CUL2: variants seen among roughly 807,000 people sequenced by gnomAD.
CUL2 encodes the protein cullin-2.
CUL2 carries 22 observed loss-of-function variants against 110.2 expected under a neutral mutation model. That is an observed-to-expected ratio of 0.20 (90% CI 0.14 to 0.28). The LOEUF is 0.28. Among genes scored for constraint, CUL2 ranks in the 10% least tolerant of loss-of-function variants. The probability of loss-of-function intolerance (pLI) is 1.00; values close to 1 mark genes in which losing one functional copy is unlikely to be tolerated. For missense variants in CUL2, 631 were observed against 905.5 expected (o/e 0.70, Z 3.89); for synonymous variants, 279 against 293.2 (o/e 0.95, Z 0.49).
At chr10:35,022,331 C>T (rs1383589454) in intron 17 of CUL2, among the ~76,000 whole-genome samples, 4 of 152,172 alleles carry the variant, frequency 2.6e-5, no homozygotes, top group Admixed American at 6.5e-5. Flanking sequence ...CCCCAAACAC[C>T]ACCTTGTGCA....
chr10:35,027,518 C>G (rs2085367113), intron 16 of CUL2, among the ~76,000 whole-genome samples: 1 of 152,064 alleles, frequency 6.6e-6, no homozygotes, highest in Non-Finnish European at 1.5e-5. Context: ...GATTGACTGG[C>G]CTAAAGTATA....
At chr10:35,097,092 G>C (rs1338477086) in intron 2 of CUL2, among the ~76,000 whole-genome samples, 5 of 152,060 alleles carry the variant, frequency 3.3e-5, no homozygotes, top group African/African-American at 1.2e-4. Flanking sequence ...TTACAGGCGT[G>C]AGCCACCGTG....
chr10:35,013,753 G>T lies in CUL2; in HGVS notation c.1935C>A (p.Ser645Arg). The change falls in exon 19 of 21, where the codon AGC becomes AGA. Residue 645 changes from serine (S) to arginine (R), a missense_variant. Coordinates refer to ENST00000374749, the MANE Select transcript of CUL2 (RefSeq NM_003591.4). ...ESSFSLNMNF[S>R]SKRTKFKITT... is the part of the protein sequence containing the mutation. ...TAATTTTAAATTTTGTTCTTTTACT[G>T]CTAAAGTTCATATTTAATGAAAACG... 6.4e-7 allele frequency: 1 copy of T among 1,558,394 alleles called. No homozygotes were observed. The highest frequency in any genetic ancestry group is 8.7e-7 in the Non-Finnish European group (1 of 1,144,410).
intron 2 of CUL2, 83 bp from the exon 3 acceptor site, chr10:35,063,145 T>C (rs1053220343): frequency 5.8e-5 from 46 of 787,634 alleles, no homozygotes; most frequent in Middle Eastern, 3.4e-4. Context: ...CATTAAAAAA[T>C]GAAAAAACAT....
intron 17 of CUL2, among the ~76,000 whole-genome samples, chr10:35,017,935 G>A (rs564196547): frequency 2.7e-5 from 4 of 150,918 alleles, no homozygotes; most frequent in Non-Finnish European, 3.0e-5. Flanking sequence ...CCTAAAGCAC[G>A]AAGTTGTGGT....
intron 4 of CUL2, 45 bp downstream of exon 4, chr10:35,060,829 C>T: frequency 6.8e-7 from 1 of 1,469,828 alleles, no homozygotes; most frequent in Non-Finnish European, 9.4e-7. Flanking sequence ...CTACTGAATG[C>T]AGGCAACGCT....
At chr10:35,040,824 G>T (rs1011513174) in intron 8 of CUL2, among the ~76,000 whole-genome samples, 1 of 152,158 alleles carries the variant, frequency 6.6e-6, no homozygotes, top group Admixed American at 6.5e-5. Context: ...GCACATCCTA[G>T]ACCCCTTGCA....
chr10:35,085,691 T>C (rs2087045928), intron 1 of CUL2, among the ~76,000 whole-genome samples: 2 of 139,048 alleles, frequency 1.4e-5, no homozygotes, highest in Admixed American at 7.3e-5. Context: ...AGCCAGACTC[T>C]GTCTCAAAAA....
chr10:35,047,269 T>A (rs1024376148), intron 6 of CUL2, among the ~76,000 whole-genome samples: 1 of 152,190 alleles, frequency 6.6e-6, no homozygotes, highest in Non-Finnish European at 1.5e-5. Context: ...TGATAGTTCC[T>A]CAATTCTGTG....
At chr10:35,038,848 C>G (rs1235310382) in intron 9 of CUL2, 72 bp downstream of exon 9, 1 of 969,790 alleles carries the variant, frequency 1.0e-6, no homozygotes, top group Non-Finnish European at 1.5e-6. Flanking sequence ...GGCATTAAAT[C>G]AAGGGTGACT....
intron 11 of CUL2, 104 bp downstream of exon 11, chr10:35,033,062 C>T: frequency 1.6e-5 from 8 of 505,138 alleles, no homozygotes; most frequent in East Asian, 6.8e-5. Flanking sequence ...ACTTAATCTC[C>T]ATGTCTACAT....
chr10:35,069,375 C>CA (rs979172994), intron 2 of CUL2, among the ~76,000 whole-genome samples: 2 of 151,714 alleles, frequency 1.3e-5, no homozygotes, highest in Non-Finnish European at 2.9e-5. Flanking sequence ...CTCACCTCTA[C>CA]AAAAAAATTT....
chr10:35,088,711 A>G (rs2087125406), intron 1 of CUL2, among the ~76,000 whole-genome samples: 4 of 152,180 alleles, frequency 2.6e-5, no homozygotes, highest in South Asian at 2.1e-4. Flanking sequence ...TCACATTTAT[A>G]GAACACTGAA....
At chr10:35,084,876 T>C (rs1203667493) in intron 1 of CUL2, among the ~76,000 whole-genome samples, 2 of 151,672 alleles carry the variant, frequency 1.3e-5, no homozygotes, top group Admixed American at 1.3e-4. Flanking sequence ...TCCCAGCACT[T>C]TGGTAAGCCG....
chr10:35,071,113 G>C, intron 2 of CUL2, 86 bp downstream of exon 2: 1 of 1,322,614 alleles, frequency 7.6e-7, no homozygotes, highest in South Asian at 1.3e-5. Flanking sequence ...ACATGGGAAA[G>C]TTCTTCCATA....
At chr10:35,121,205 T>C (rs901052841) in intron 1 of CUL2, among the ~76,000 whole-genome samples, 2 of 152,096 alleles carry the variant, frequency 1.3e-5, no homozygotes, top group Admixed American at 1.3e-4. Flanking sequence ...GAGTTTATAT[T>C]CTGGCCGGAA....
chr10:35,067,286 AC>A (rs1226145172), intron 2 of CUL2, among the ~76,000 whole-genome samples: 3 of 152,156 alleles, frequency 2.0e-5, no homozygotes, highest in African/African-American at 7.2e-5. Context: ...ACTTACTATA[AC>A]CTTTAGATGC....
At chr10:35,112,920 G>A (rs948133018) in intron 1 of CUL2, among the ~76,000 whole-genome samples, 13 of 152,182 alleles carry the variant, frequency 8.5e-5, no homozygotes, top group African/African-American at 2.2e-4. Context: ...CAGGCCAGGC[G>A]TGGTGGCTCA....
At chr10:35,019,196 T>A (rs888001096) in intron 17 of CUL2, among the ~76,000 whole-genome samples, 1 of 152,220 alleles carries the variant, frequency 6.6e-6, no homozygotes, top group Non-Finnish European at 1.5e-5. Flanking sequence ...GATGATTAAG[T>A]GGCACCATCA....
Sources: allele counts gnomAD v4.1 joint callset (sites outside exome capture counted in the v4.1 genomes callset), GRCh38; gene constraint gnomAD v4.1.1; transcripts MANE v1.5; gene names NCBI Gene and HGNC (gene_info 2026-07-23, HGNC 2026-07-21).